Variants in GRM8 observed in about 807,000 individuals in gnomAD.
The protein encoded by GRM8 is glutamate metabotropic receptor 8.
A neutral mutation model predicts 87.2 loss-of-function variants in GRM8; 47 were observed. The ratio of observed to expected loss-of-function variants is 0.54; its 90% CI spans 0.43 to 0.69. The LOEUF is 0.69. Among genes scored for constraint, GRM8 ranks in the 30% least tolerant of loss-of-function variants. The probability of loss-of-function intolerance (pLI) is 0.00; values close to 1 mark genes in which losing one functional copy is unlikely to be tolerated. For synonymous variants in GRM8, 396 were observed against 404.5 expected, an observed-to-expected ratio of 0.98 and a Z score of 0.25; for missense variants, 1,019 against 1,139.2, an observed-to-expected ratio of 0.89 and a Z score of 1.52.
intron 8 of GRM8, among the ~76,000 whole-genome samples, chr7:126,547,203 C>T (rs567082922): frequency 6.6e-6 from 1 of 152,238 alleles, no homozygotes; most frequent in East Asian, 1.9e-4. Context: ...ATAGTGCACC[C>T]TTACATATAA....
rs1299145239 is a variant in GRM8 at position 127,204,489 on chromosome 7, C to G, written c.510+38206G>C. Among the ~76,000 whole-genome samples, 3 of 152,162 alleles carry G rather than the reference C, an allele frequency of 2.0e-5. No individual in the cohort carries two copies. The South Asian group carries it at 6.2e-4, about 32-fold the overall frequency. On this transcript the variant is annotated intron_variant, in intron 2 of 10. Transcript: ENST00000339582. ...AGTGTTCAGAGGGTGATAAACAGAT[C>G]TTTTACTTGATTTGCCATCTGTGAA...
At chr7:126,764,424 C>G (rs984337457) in intron 7 of GRM8, among the ~76,000 whole-genome samples, 24 of 151,780 alleles carry the variant, frequency 1.6e-4, no homozygotes, top group African/African-American at 4.8e-4. Context: ...CTTATTTGAC[C>G]TATTAGCATG....
At chr7:127,107,794 C>A (rs758500246) in intron 2 of GRM8, among the ~76,000 whole-genome samples, 1 of 152,202 alleles carries the variant, frequency 6.6e-6, no homozygotes, top group Non-Finnish European at 1.5e-5. Context: ...TTGTAAAGCT[C>A]TCAACATCTA....
intron 3 of GRM8, among the ~76,000 whole-genome samples, chr7:126,996,702 G>T (rs1563394738): frequency 6.6e-6 from 1 of 151,938 alleles, no homozygotes; most frequent in Non-Finnish European, 1.5e-5. Flanking sequence ...AGACAACATT[G>T]TTATACAATG....
chr7:126,742,356 A>G (rs555177362), intron 7 of GRM8, among the ~76,000 whole-genome samples: 100 of 152,194 alleles, frequency 6.6e-4, no homozygotes, highest in African/African-American at 2.4e-3. Flanking sequence ...AGAGGCTGAA[A>G]AGGCAAGGGA....
intron 3 of GRM8, among the ~76,000 whole-genome samples, chr7:127,025,243 T>C (rs1442529097): frequency 2.6e-5 from 4 of 152,076 alleles, no homozygotes; most frequent in African/African-American, 9.7e-5. Flanking sequence ...GGTCTTTTGA[T>C]AGAGAGTGGA....
intron 6 of GRM8, among the ~76,000 whole-genome samples, chr7:126,804,763 T>C (rs1226458928): frequency 6.6e-6 from 1 of 152,218 alleles, no homozygotes; most frequent in African/African-American, 2.4e-5. Flanking sequence ...CTCTGTATGT[T>C]TATAACAAAG....
At chr7:126,908,264 A>G (rs1331871971) in intron 3 of GRM8, among the ~76,000 whole-genome samples, 1 of 152,192 alleles carries the variant, frequency 6.6e-6, no homozygotes, top group African/African-American at 2.4e-5. Context: ...AACTCTGAAA[A>G]AAATCAGGTT....
intron 7 of GRM8, among the ~76,000 whole-genome samples, chr7:126,637,743 T>C (rs984189600): frequency 6.6e-6 from 1 of 152,302 alleles, no homozygotes; most frequent in African/African-American, 2.4e-5. Flanking sequence ...TCATAATCTG[T>C]GTCCCTTCTA....
chr7:127,128,688 C>G (rs961119993), intron 2 of GRM8, among the ~76,000 whole-genome samples: 1 of 152,202 alleles, frequency 6.6e-6, no homozygotes, highest in Non-Finnish European at 1.5e-5. Context: ...GGGTCCTTTG[C>G]TTACAAACAG....
intron 2 of GRM8, among the ~76,000 whole-genome samples, chr7:127,151,426 C>T (rs867998971): frequency 6.6e-6 from 1 of 152,034 alleles, no homozygotes; most frequent in African/African-American, 2.4e-5. Flanking sequence ...CTAAGGACCT[C>T]TTATTTCTTC....
At chr7:127,175,417 C>T (rs1174964732) in intron 2 of GRM8, among the ~76,000 whole-genome samples, 2 of 151,882 alleles carry the variant, frequency 1.3e-5, no homozygotes, top group African/African-American at 2.4e-5. Flanking sequence ...AATTTGAATA[C>T]CAGAAAAAGA....
intron 6 of GRM8, among the ~76,000 whole-genome samples, chr7:126,813,982 C>G (rs1793533724): frequency 6.6e-6 from 1 of 152,060 alleles, no homozygotes; most frequent in African/African-American, 2.4e-5. Context: ...TTAAAATTAG[C>G]AAGCTTTCTG....
intron 8 of GRM8, among the ~76,000 whole-genome samples, chr7:126,563,185 C>T (rs1011069432): frequency 2.0e-5 from 3 of 152,016 alleles, no homozygotes; most frequent in African/African-American, 7.2e-5. Context: ...ACATTCTACC[C>T]CTCGGTGATT....
chr7:126,615,249 C>T (rs1211567054), intron 7 of GRM8, among the ~76,000 whole-genome samples: 1 of 152,074 alleles, frequency 6.6e-6, no homozygotes, highest in African/African-American at 2.4e-5. Context: ...AATTTTCAAC[C>T]CAGAATTTCA....
At chr7:126,638,987 C>T (rs1802114468) in intron 7 of GRM8, among the ~76,000 whole-genome samples, 1 of 152,308 alleles carries the variant, frequency 6.6e-6, no homozygotes, top group East Asian at 1.9e-4. Flanking sequence ...TCTCACCACA[C>T]AATCTACTCT....
intron 9 of GRM8, among the ~76,000 whole-genome samples, chr7:126,502,645 T>G (rs1441816773): frequency 6.6e-6 from 1 of 152,066 alleles, no homozygotes; most frequent in Non-Finnish European, 1.5e-5. Context: ...AAACTAGAGC[T>G]TCTGGTTCTT....
At chr7:127,012,237 G>T (rs1323116955) in intron 3 of GRM8, among the ~76,000 whole-genome samples, 1 of 152,058 alleles carries the variant, frequency 6.6e-6, no homozygotes, top group Non-Finnish European at 1.5e-5. Context: ...CCCAGGCCTA[G>T]GTTTCCTTCT....
At chr7:127,135,914 G>T (rs1003764211) in intron 2 of GRM8, among the ~76,000 whole-genome samples, 7 of 152,056 alleles carry the variant, frequency 4.6e-5, no homozygotes, top group African/African-American at 1.7e-4. Context: ...ACTACATCTT[G>T]CACAATGCTC....
Sources: allele counts gnomAD v4.1 joint callset (sites outside exome capture counted in the v4.1 genomes callset), GRCh38; gene constraint gnomAD v4.1.1; transcripts MANE v1.5; gene names NCBI Gene and HGNC (gene_info 2026-07-23, HGNC 2026-07-21).